The following PIDD1 variants were observed in gnomAD, a reference collection of about 807,000 sequenced individuals.
PIDD1 encodes the protein p53-induced death domain-containing protein 1.
Under a neutral mutation model 80.0 loss-of-function variants are expected in PIDD1, and 72 were observed. That is an observed-to-expected ratio of 0.90 (90% CI 0.74 to 1.09). The LOEUF (loss-of-function observed/expected upper bound fraction) is 1.09. Among genes scored for constraint, PIDD1 ranks in the 50% least tolerant of loss-of-function variants. The probability of loss-of-function intolerance (pLI) is 0.00; values close to 1 mark genes in which losing one functional copy is unlikely to be tolerated. For missense variants in PIDD1, 1,329 were observed against 1,228.3 expected (o/e 1.08, Z -1.23); for synonymous variants, 655 against 543.5 (o/e 1.21, Z -2.85).
chr11:801,213 C>G lies in PIDD1; in HGVS notation c.1630+5G>C. 1 of 1,548,396 alleles carries G rather than the reference C, an allele frequency of 6.5e-7. No individual in the cohort carries two copies. The highest frequency in any genetic ancestry group is 1.2e-5 in the South Asian group (1 of 81,510). On this transcript the variant is annotated splice_donor_5th_base_variant and intron_variant, in intron 9 of 15. Coordinates refer to ENST00000347755, the MANE Select transcript of PIDD1 (RefSeq NM_145886.4). ...GTCCAGGTATGCCCCATGGCTGCCT[C>G]TCACCTGTGATGCCAGAGGGCAGAG...
At position 803,905 on chromosome 11, in the gene PIDD1, A is replaced by G. The variant is rs368695457; in HGVS notation, c.295+189T>C. 1,611 of 697,306 alleles carry G rather than the reference A, an allele frequency of 2.3e-3. 5 individuals carry two copies. The highest frequency in any genetic ancestry group is 0.019 in the Middle Eastern group (46 of 2,470). 43.2% of individuals were successfully genotyped at this position (697,306 alleles called of 1,614,324 possible). On this transcript the variant is annotated intron_variant, in intron 2 of 15. Coordinates refer to ENST00000347755, the MANE Select transcript of PIDD1 (RefSeq NM_145886.4). ...GGAGCCAGGGCCCAGCCAGCCCCAC[A>G]CTGGGGGTGGTGATCACCGAGGATG...
rs534655933 is a variant in PIDD1, at chr11:800,340, C to T, written c.2153G>A (p.Arg718Gln). Residue 718 changes from arginine (R) to glutamine (Q), a missense_variant, in exon 13 of 16, where the codon CGG becomes CAG. Transcript: ENST00000347755. ...TTLDREAQAV[R>Q]GQVSFYRGAV... The stretch of plus-strand genomic sequence containing the variant: ...CCCACTCCCCTCGCCCACCTGGCCC[C>T]GCACAGCCTGAGCCTCCCGGTCCAG... The T allele has an allele frequency of 3.2e-5, 51 of 1,612,884 alleles. No individual in the cohort carries two copies. Among genetic ancestry groups the T allele is most frequent in the South Asian group, 1.9e-4 (17 of 91,090 alleles).
At position 802,539 on chromosome 11, in the gene PIDD1, A is replaced by G. The variant is rs1302487879; in HGVS notation, c.974+4T>C. On this transcript the variant is annotated splice_donor_region_variant and intron_variant, in intron 5 of 15. Coordinates refer to ENST00000347755, the MANE Select transcript of PIDD1 (RefSeq NM_145886.4). ...CCCTCCAGCCCCCTCAACCCACCCC[A>G]TACCTGTCCAAATCTGAGGTCAGGA... The G allele has an allele frequency of 2.5e-6, 4 of 1,613,126 alleles. No homozygotes were observed. Among genetic ancestry groups the G allele is most frequent in the African/African-American group, 1.3e-5 (1 of 74,906 alleles).
Position 802,409 on chromosome 11 carries a change from G to A in PIDD1, c.975-13C>T, listed in dbSNP as rs774829422. Reference sequence around the variant, plus strand: ...GGTCACAGGAAAGCTGAGTGAGGAAGGAGCGAGCAACAGGTTAGACCCAGA... The same window carrying A: ...GGTCACAGGAAAGCTGAGTGAGGAAAGAGCGAGCAACAGGTTAGACCCAGA... On this transcript the variant is annotated splice_polypyrimidine_tract_variant and intron_variant, in intron 5 of 15. Coordinates refer to ENST00000347755, the MANE Select transcript of PIDD1 (RefSeq NM_145886.4). The A allele has an allele frequency of 1.1e-5, 18 of 1,610,762 alleles. No homozygotes were observed. The highest frequency in any genetic ancestry group is 1.5e-5 in the Non-Finnish European group (18 of 1,178,566).
chr11:806,038 G>A (rs1292384289), upstream of PIDD1: 19 of 150,310 alleles, frequency 1.3e-4, no homozygotes, highest in African/African-American at 4.7e-4. Flanking sequence ...GGCGGAGGTT[G>A]TAGTGAGCCG....
At chr11:806,727 C>T (rs964307960), upstream of PIDD1, among the ~76,000 whole-genome samples, 1 of 152,064 alleles carries the variant, frequency 6.6e-6, no homozygotes, top group African/African-American at 2.4e-5. Flanking sequence ...GGACTACAGG[C>T]GCCCACCACC....
rs147049845 is a variant in PIDD1, at chr11:801,100, G to A, written c.1651C>T (p.Arg551Cys). Reference sequence around the variant, plus strand: ...GGGGCCCAGTACAACAGGTGCAGGCGGGAGCGGTCCAGACTGAGGCCTGGG... The same window carrying A: ...GGGGCCCAGTACAACAGGTGCAGGCAGGAGCGGTCCAGACTGAGGCCTGGG... ...GITGLSLDRS[R>C]LHLLYWAPPA... The change falls in exon 10 of 16, where the codon CGC (arginine) becomes TGC (cysteine). Residue 551 changes from arginine (R) to cysteine (C), a missense_variant. Transcript: ENST00000347755. 571 of 1,576,520 alleles carry A rather than the reference G, an allele frequency of 3.6e-4. No individual in the cohort carries two copies. Among genetic ancestry groups the A allele is most frequent in the African/African-American group, 4.6e-4 (34 of 74,586 alleles).
upstream of PIDD1, chr11:805,779 A>C: frequency 1.5e-6 from 1 of 670,710 alleles, no homozygotes. Flanking sequence ...GTCTCCTTCA[A>C]TCGCGCAGGG....
chr11:799,799 G>A lies in PIDD1; in HGVS notation c.2474+16C>T. ...CAGCCCTGGGGCTGGCAGCCAGCGG[G>A]CAGTGGGAGCCTCACCGGAACTCGT... On this transcript the variant is annotated intron_variant, in intron 15 of 15. Transcript: ENST00000347755. 6.5e-7 allele frequency: 1 copy of A among 1,535,198 alleles called. No individual in the cohort carries two copies. Among genetic ancestry groups the A allele is most frequent in the East Asian group, 2.3e-5 (1 of 42,818 alleles).
In PIDD1 at chr11:802,379, T is replaced by C. The variant is rs10902221; in HGVS notation, c.992A>G (p.Gln331Arg). ...ACAGGCCAGGGTCACTGAGCAGCCTTGAGGGGTCACAGGAAAGCTGAGTGA... is the reference window on the plus strand; with the variant it reads ...ACAGGCCAGGGTCACTGAGCAGCCTCGAGGGGTCACAGGAAAGCTGAGTGA... ...SDLDSFPVTP[Q>R]GCSVTLACGV... The change falls in exon 6 of 16, where the codon CAA (glutamine) becomes CGA (arginine). Residue 331 changes from glutamine to arginine, a missense_variant. Transcript: ENST00000347755. 0.48 allele frequency: 778,326 copies of C among 1,611,098 alleles called. 195,090 individuals carry two copies. Among genetic ancestry groups the C allele is most frequent in the Admixed American group, 0.63 (37,589 of 59,968 alleles).
intron 14 of PIDD1, 33 bp from the exon 15 acceptor site, chr11:800,047 G>C (rs1265048017): frequency 6.2e-7 from 1 of 1,608,560 alleles, no homozygotes; most frequent in East Asian, 2.2e-5. Context: ...TAAGCCCTGG[G>C]CTCCACCCCC....
In PIDD1 at chr11:803,225, G is replaced by A. The variant is rs922076388; in HGVS notation, c.658C>T (p.Leu220=). 1 of 1,612,110 alleles carries A rather than the reference G, an allele frequency of 6.2e-7. No homozygotes were observed. The highest frequency in any genetic ancestry group is 1.3e-5 in the African/African-American group (1 of 74,938). ...CGGTTGGAGGCCAGGTTGAGCTCCA[G>A]GAGGCTGCCCAGGCCTCCAATCTCA... ...PPEIGGLGSL[L]ELNLASNRLQ... Residue 220 remains leucine, a synonymous_variant, in exon 3 of 16, where the codon CTG becomes TTG. Transcript: ENST00000347755.
upstream of PIDD1, among the ~76,000 whole-genome samples, chr11:807,562 G>C (rs1022695042): frequency 6.6e-6 from 1 of 151,966 alleles, no homozygotes; most frequent in Non-Finnish European, 1.5e-5. Flanking sequence ...TAGATCACGA[G>C]GTCAGGAGAT....
chr11:807,065 G>A (rs967061973), upstream of PIDD1, among the ~76,000 whole-genome samples: 10 of 152,210 alleles, frequency 6.6e-5, no homozygotes, highest in Admixed American at 5.9e-4. Context: ...GGTGGCAGGC[G>A]CCTGTAATCC....
Position 800,930 on chromosome 11 carries a change from G to A in PIDD1, c.1767-18C>T, listed in dbSNP as rs201224014. Reference sequence around the variant, plus strand: ...GCCAGTACCTGGGAGAGCTGGGGGTGAGGAGGGCTGTACAGACTGGGGGAG... The same window carrying A: ...GCCAGTACCTGGGAGAGCTGGGGGTAAGGAGGGCTGTACAGACTGGGGGAG... On this transcript the variant is annotated intron_variant, in intron 10 of 15. Transcript: ENST00000347755. 3 of 1,595,402 alleles carry A rather than the reference G, an allele frequency of 1.9e-6. No individual in the cohort carries two copies. The highest frequency in any genetic ancestry group is 2.3e-5 in the East Asian group (1 of 44,218).
At chr11:799,685 T>TC in intron 15 of PIDD1, 120 bp from the exon 16 acceptor site, 2 of 1,393,806 alleles carry the variant, frequency 1.4e-6, no homozygotes, top group Non-Finnish European at 1.9e-6. Context: ...GCCAGACCTT[T>TC]CCTTTCCAGC....
chr11:807,189 CAAAAAA>C (rs1338815823), upstream of PIDD1, among the ~76,000 whole-genome samples: 195 of 94,186 alleles, frequency 2.1e-3, no homozygotes, highest in Non-Finnish European at 3.8e-3. Context: ...GACTCCCTCT[CAAAAAA>C]AAAAAAAAAA....
intron 1 of PIDD1, 110 bp from the exon 2 acceptor site, chr11:804,573 G>T: frequency 8.7e-7 from 1 of 1,153,016 alleles, no homozygotes; most frequent in Non-Finnish European, 1.2e-6. Flanking sequence ...ATCTGGGCCT[G>T]GGCTGCAGAG....
In PIDD1 at chr11:802,830, A is replaced by C. The variant is rs58565886; in HGVS notation, c.771T>G (p.Ala257=). Residue 257 remains alanine (A), a synonymous_variant, in exon 4 of 16, where the codon GCT becomes GCG. Transcript: ENST00000347755. ...LHSNLLASVP[A]DLARLPLLTR... ...TGAGGAGTGGAAGGCGGGCCAAGTC[A>C]GCTGGCACAGAGGCCAGGAGGTTGC... 3.3e-3 allele frequency: 5,251 copies of C among 1,597,418 alleles called. 154 individuals carry two copies. In the African/African-American group the frequency reaches 0.062, roughly 19 times the overall value.
Sources: gnomAD v4.1 joint callset for allele counts (sites outside exome capture counted in the v4.1 genomes callset) on GRCh38, gnomAD v4.1.1 for gene constraint, MANE v1.5 for transcripts, NCBI Gene and HGNC (gene_info 2026-07-23, HGNC 2026-07-21) for gene names.